DCDC2: variants seen among roughly 807,000 people sequenced by gnomAD.
DCDC2 encodes doublecortin domain containing 2, also known as doublecortin domain-containing protein 2.
A neutral mutation model predicts 50.2 loss-of-function variants in DCDC2; 40 were observed. The ratio of observed to expected loss-of-function variants is 0.80; its 90% CI spans 0.62 to 1.04. DCDC2 has a LOEUF of 1.04. Among genes scored for constraint, DCDC2 ranks in the 50% least tolerant of loss-of-function variants. The probability of loss-of-function intolerance (pLI) is 0.00; values close to 1 mark genes in which losing one functional copy is unlikely to be tolerated. For synonymous variants in DCDC2, 234 were observed against 210.6 expected (o/e 1.11, Z -0.96); for missense variants, 570 against 581.9 (o/e 0.98, Z 0.21).
Position 24,178,392 on chromosome 6 carries a change from C to T in DCDC2, c.1264G>A (p.Glu422Lys). Residue 422 changes from glutamate (E) to lysine (K), a missense_variant, in exon 9 of 10, where the codon GAG (glutamate) becomes AAG (lysine). Physicochemically the swap from Glu to Lys is moderately conservative, Grantham distance 56. Transcript: ENST00000378454. ...NGEELQQVNNELQLVLDKERK... is the reference protein window; with the variant it reads ...NGEELQQVNNKLQLVLDKERK... ...TCCTTGTCTAGGACCAGTTGAAGCT[C>T]ATTATTAACCTGCTGCAGCTCCTCA... 6.2e-7 allele frequency: 1 copy of T among 1,614,186 alleles called. No individual in the cohort carries two copies. The highest frequency in any genetic ancestry group is 8.5e-7 in the Non-Finnish European group (1 of 1,180,034).
At chr6:24,242,047 T>C (rs1188766291) in intron 7 of DCDC2, among the ~76,000 whole-genome samples, 1 of 152,036 alleles carries the variant, frequency 6.6e-6, no homozygotes, top group Non-Finnish European at 1.5e-5. Context: ...TGGTGGTGCA[T>C]GCCTGTAGTC....
At chr6:24,206,385 G>A (rs924789153) in intron 7 of DCDC2, among the ~76,000 whole-genome samples, 10 of 152,072 alleles carry the variant, frequency 6.6e-5, no homozygotes, top group Middle Eastern at 3.4e-3. Flanking sequence ...AAAGAAGGAA[G>A]GAAGGAAACA....
intron 8 of DCDC2, among the ~76,000 whole-genome samples, chr6:24,183,646 GAC>G (rs1444462199): frequency 6.6e-6 from 1 of 152,172 alleles, no homozygotes; most frequent in African/African-American, 2.4e-5. Context: ...GACCCTGAGA[GAC>G]ACATAAGGGA....
chr6:24,299,791 C>T (rs558436852), intron 4 of DCDC2, among the ~76,000 whole-genome samples: 87 of 152,006 alleles, frequency 5.7e-4, no homozygotes, highest in South Asian at 1.9e-3. Flanking sequence ...TGGTGGCAGG[C>T]GCCTGTAATC....
intron 2 of DCDC2, among the ~76,000 whole-genome samples, chr6:24,343,328 C>T (rs368365236): frequency 4.6e-5 from 7 of 152,184 alleles, no homozygotes; most frequent in African/African-American, 1.7e-4. Context: ...GGATTACAGG[C>T]GTCAGCCACC....
chr6:24,312,123 A>ACCCC (rs1444425916), intron 2 of DCDC2, among the ~76,000 whole-genome samples: 1 of 149,884 alleles, frequency 6.7e-6, no homozygotes, highest in South Asian at 2.1e-4. Flanking sequence ...GCACCTTGTG[A>ACCCC]CCCCCACCCC....
intron 2 of DCDC2, among the ~76,000 whole-genome samples, chr6:24,337,453 A>G (rs1319314548): frequency 2.0e-5 from 3 of 152,176 alleles, no homozygotes; most frequent in Non-Finnish European, 4.4e-5. Flanking sequence ...GAATACAACT[A>G]AAATAATTCC....
At chr6:24,332,782 C>T (rs180959476) in intron 2 of DCDC2, among the ~76,000 whole-genome samples, 1 of 152,236 alleles carries the variant, frequency 6.6e-6, no homozygotes, top group African/African-American at 2.4e-5. Context: ...AGCATGATTA[C>T]TATTCATTAA....
At chr6:24,381,863 A>AGG in the DCDC2 span, among the ~76,000 whole-genome samples, 2 of 48,734 alleles carry the variant, frequency 4.1e-5, no homozygotes, top group African/African-American at 1.1e-4. Context: ...AGGAAGGAGA[A>AGG]ATAAAAGAAA....
At chr6:24,359,232 T>A (rs1290055617), upstream of DCDC2, among the ~76,000 whole-genome samples, 6 of 32,924 alleles carry the variant, frequency 1.8e-4, no homozygotes, top group African/African-American at 8.4e-4. Context: ...TTTATATATT[T>A]TATATATTTT....
chr6:24,317,334 G>A (rs1759690846), intron 2 of DCDC2, among the ~76,000 whole-genome samples: 1 of 151,970 alleles, frequency 6.6e-6, no homozygotes. Context: ...ACAGACCAAA[G>A]GAAGTACATA....
chr6:24,205,988 G>T (rs934210631), intron 7 of DCDC2, among the ~76,000 whole-genome samples: 2 of 152,110 alleles, frequency 1.3e-5, no homozygotes, highest in South Asian at 4.2e-4. Context: ...TACAATATTT[G>T]ATTACCCCTA....
chr6:24,205,068 A>C lies in DCDC2; in HGVS notation c.957T>G (p.Ser319=). The change falls in exon 8 of 10, where the codon TCT becomes TCG. Residue 319 remains serine, a synonymous_variant. Coordinates refer to ENST00000378454, the MANE Select transcript of DCDC2 (RefSeq NM_016356.5). Reference sequence around the variant, plus strand: ...GGACTTCTGCTGCCCCCCGTGTTTCAGACCTCTCTGCTCCAGCTTTGAAAA... The same window carrying C: ...GGACTTCTGCTGCCCCCCGTGTTTCCGACCTCTCTGCTCCAGCTTTGAAAA... ...EGIFKAGAER[S]ETRGAAEVQE... is the part of the protein sequence containing the mutation. 6.2e-7 allele frequency: 1 copy of C among 1,614,122 alleles called. No homozygotes were observed. Among genetic ancestry groups the C allele is most frequent in the Non-Finnish European group, 8.5e-7 (1 of 1,179,982 alleles).
At chr6:24,382,720 T>G in the DCDC2 span, among the ~76,000 whole-genome samples, 4 of 152,296 alleles carry the variant, frequency 2.6e-5, no homozygotes, top group South Asian at 6.2e-4. Context: ...CCTCTGACCT[T>G]AATTCTACAC....
At chr6:24,299,926 A>C (rs545588653) in intron 4 of DCDC2, among the ~76,000 whole-genome samples, 3 of 152,012 alleles carry the variant, frequency 2.0e-5, no homozygotes, top group Non-Finnish European at 4.4e-5. Flanking sequence ...TCTCAAAAAA[A>C]AATAAAAATA....
intron 6 of DCDC2, among the ~76,000 whole-genome samples, chr6:24,285,372 C>T (rs1354216995): frequency 6.6e-6 from 1 of 152,172 alleles, no homozygotes; most frequent in Non-Finnish European, 1.5e-5. Flanking sequence ...CCTGACACAC[C>T]TATCTAAATG....
At chr6:24,283,858 G>A (rs1763533544) in intron 6 of DCDC2, among the ~76,000 whole-genome samples, 1 of 152,188 alleles carries the variant, frequency 6.6e-6, no homozygotes. Flanking sequence ...AACCTACCAG[G>A]CACTGGGCAC....
the DCDC2 span, among the ~76,000 whole-genome samples, chr6:24,377,182 G>A: frequency 1.3e-5 from 2 of 152,270 alleles, no homozygotes; most frequent in African/African-American, 4.8e-5. Flanking sequence ...CAGTCCGCTG[G>A]GAACAAAACT....
At chr6:24,302,328 C>T (rs1269577903) in intron 2 of DCDC2, among the ~76,000 whole-genome samples, 1 of 149,948 alleles carries the variant, frequency 6.7e-6, no homozygotes, top group Admixed American at 6.6e-5. Flanking sequence ...TTTTCTGTTA[C>T]GAAAATATTA....
Sources: gnomAD v4.1 joint callset for allele counts (sites outside exome capture counted in the v4.1 genomes callset) on GRCh38, gnomAD v4.1.1 for gene constraint, MANE v1.5 for transcripts, NCBI Gene and HGNC (gene_info 2026-07-23, HGNC 2026-07-21) for gene names.